Variants in NKAIN3 observed in about 807,000 individuals in gnomAD.
NKAIN3 encodes the protein sodium/potassium-transporting ATPase subunit beta-1-interacting protein 3.
In NKAIN3, 25 loss-of-function variants were observed where a neutral mutation model predicts 30.2. The ratio of observed to expected loss-of-function variants is 0.83; its 90% CI spans 0.60 to 1.16. The LOEUF (loss-of-function observed/expected upper bound fraction) is 1.16. Ranked by LOEUF, NKAIN3 falls within the 50% of genes most tolerant of loss-of-function variation. The probability of loss-of-function intolerance (pLI) is 0.00; values close to 1 mark genes in which losing one functional copy is unlikely to be tolerated. For synonymous variants in NKAIN3, 91 were observed against 89.6 expected, an observed-to-expected ratio of 1.02 and a Z score of -0.09; for missense variants, 225 against 254.1, an observed-to-expected ratio of 0.89 and a Z score of 0.78.
intron 3 of NKAIN3, among the ~76,000 whole-genome samples, chr8:62,701,443 G>C (rs767130863): frequency 6.6e-6 from 1 of 152,170 alleles, no homozygotes; most frequent in Admixed American, 6.5e-5. Flanking sequence ...GAGAGCACAA[G>C]GGGTCCTTAA....
chr8:62,963,122 A>G (rs1823617503), intron 6 of NKAIN3, among the ~76,000 whole-genome samples: 1 of 152,000 alleles, frequency 6.6e-6, no homozygotes, highest in Non-Finnish European at 1.5e-5. Context: ...CAAACTCCTG[A>G]CCTCGGGTGA....
chr8:62,310,695 G>A (rs1417104039), intron 1 of NKAIN3, among the ~76,000 whole-genome samples: 3 of 150,236 alleles, frequency 2.0e-5, no homozygotes, highest in Non-Finnish European at 4.4e-5. Flanking sequence ...TAGAGGAGTT[G>A]GTTCCATTTG....
chr8:62,364,454 C>A (rs1445154211), intron 1 of NKAIN3, among the ~76,000 whole-genome samples: 3 of 152,044 alleles, frequency 2.0e-5, no homozygotes, highest in Non-Finnish European at 4.4e-5. Flanking sequence ...CTGCACCTAG[C>A]CTCCAACATT....
chr8:62,528,305 T>TTATATA (rs55728279), intron 1 of NKAIN3, among the ~76,000 whole-genome samples: 2 of 121,206 alleles, frequency 1.7e-5, no homozygotes, highest in African/African-American at 5.8e-5. Context: ...ATATATTATA[T>TTATATA]TATATATATA....
intron 1 of NKAIN3, among the ~76,000 whole-genome samples, chr8:62,545,428 A>G (rs1186228152): frequency 6.6e-6 from 1 of 152,112 alleles, no homozygotes; most frequent in Non-Finnish European, 1.5e-5. Flanking sequence ...TCTACTAAAA[A>G]TACAAAAATT....
intron 3 of NKAIN3, among the ~76,000 whole-genome samples, chr8:62,710,592 A>G (rs1814683401): frequency 6.6e-6 from 1 of 151,904 alleles, no homozygotes; most frequent in Non-Finnish European, 1.5e-5. Context: ...CTACCCCTTT[A>G]TTTTAAGTTC....
intron 2 of NKAIN3, among the ~76,000 whole-genome samples, chr8:62,583,553 C>G (rs1021586903): frequency 6.6e-6 from 1 of 152,174 alleles, no homozygotes; most frequent in African/African-American, 2.4e-5. Flanking sequence ...ATTAGCTTCT[C>G]TGATTTCCCA....
At chr8:62,744,531 G>A (rs1369441586) in intron 3 of NKAIN3, among the ~76,000 whole-genome samples, 1 of 152,176 alleles carries the variant, frequency 6.6e-6, no homozygotes, top group Non-Finnish European at 1.5e-5. Context: ...CTTAAGGAAT[G>A]GAAATCGCTA....
intron 1 of NKAIN3, among the ~76,000 whole-genome samples, chr8:62,542,948 C>T (rs900406830): frequency 4.6e-5 from 7 of 152,038 alleles, no homozygotes; most frequent in African/African-American, 1.7e-4. Context: ...AAGCTAGTTT[C>T]AGAGTTGCCA....
intron 4 of NKAIN3, chr8:62,856,439 C>G (rs1359709168): frequency 1.3e-6 from 1 of 789,278 alleles, no homozygotes; most frequent in African/African-American, 1.7e-5. Flanking sequence ...CTGGTGATAT[C>G]TCTATAGAAT....
chr8:62,980,715 CATA>C lies in NKAIN3; in HGVS notation c.*15311_*15313del, dbSNP rs1824056201. ...TTGTACATGATATTTTTAGGCAAAA[CATA>C]ATGTCTGGAGCACCAAGTGAAATAA... On this transcript the variant is annotated 3_prime_UTR_variant, in exon 7 of 7. Coordinates refer to ENST00000623646, the MANE Select transcript of NKAIN3 (RefSeq NM_001304533.3). 2.0e-5 allele frequency: 3 copies of C among 152,108 alleles called. No individual in the cohort carries two copies. The allele number at this position is 152,108 out of a possible 1,614,324, so 9.4% of individuals were successfully genotyped here.
At chr8:62,269,752 C>T (rs1418263065) in intron 1 of NKAIN3, among the ~76,000 whole-genome samples, 3 of 152,080 alleles carry the variant, frequency 2.0e-5, no homozygotes, top group African/African-American at 7.2e-5. Context: ...TACTTTAGGT[C>T]AGCAACTTTG....
chr8:62,528,334 T>TA (rs1029509094), intron 1 of NKAIN3, among the ~76,000 whole-genome samples: 4 of 27,842 alleles, frequency 1.4e-4, no homozygotes, highest in African/African-American at 6.2e-4. Context: ...AATATATATA[T>TA]TATATAATAT....
chr8:62,742,626 A>T (rs573679972), intron 3 of NKAIN3, among the ~76,000 whole-genome samples: 1 of 152,326 alleles, frequency 6.6e-6, no homozygotes, highest in Middle Eastern at 3.4e-3. Flanking sequence ...CAGTTGTATC[A>T]GTTGTCAACC....
chr8:62,579,915 G>GT (rs1213135942), intron 2 of NKAIN3, among the ~76,000 whole-genome samples: 5 of 152,076 alleles, frequency 3.3e-5, no homozygotes, highest in Admixed American at 6.6e-5. Flanking sequence ...CACTCACAAC[G>GT]TAACTGAATT....
At chr8:62,377,731 C>T (rs1386209102) in intron 1 of NKAIN3, among the ~76,000 whole-genome samples, 1 of 152,104 alleles carries the variant, frequency 6.6e-6, no homozygotes, top group Non-Finnish European at 1.5e-5. Context: ...TGTCATTTCC[C>T]CTGCTTGCAC....
rs572057939 is a variant in NKAIN3 at position 62,547,232 on chromosome 8, G to T, written c.55-32307G>T. 1.9e-3 allele frequency among the ~76,000 whole-genome samples: 280 copies of T among 150,600 alleles called. 1 individual carries two copies. Among genetic ancestry groups the T allele is most frequent in the African/African-American group, 6.5e-3 (268 of 40,972 alleles). ...GATTTTCTTACATTAGCATCATGGT[G>T]ATTTCAACCCTGTCCTTAGAGAGAT... On this transcript the variant is annotated intron_variant, in intron 1 of 6. Coordinates refer to ENST00000623646, the MANE Select transcript of NKAIN3 (RefSeq NM_001304533.3).
intron 4 of NKAIN3, among the ~76,000 whole-genome samples, chr8:62,840,768 C>T (rs531138581): frequency 6.6e-6 from 1 of 152,140 alleles, no homozygotes; most frequent in South Asian, 2.1e-4. Context: ...AAAAATATAA[C>T]TATGGCAAAG....
At chr8:62,527,882 G>GGTGTGTGTGTGTGTGT (rs68020312) in intron 1 of NKAIN3, among the ~76,000 whole-genome samples, 47 of 143,796 alleles carry the variant, frequency 3.3e-4, no homozygotes, top group African/African-American at 8.0e-4. Flanking sequence ...ACTTTTTTTT[G>GGTGTGTGTGTGTGTGT]GTGTGTGTGT....
Sources: gnomAD v4.1 joint callset for allele counts (sites outside exome capture counted in the v4.1 genomes callset) on GRCh38, gnomAD v4.1.1 for gene constraint, MANE v1.5 for transcripts, NCBI Gene and HGNC (gene_info 2026-07-23, HGNC 2026-07-21) for gene names.